The following MUC3A variants were observed in gnomAD, a reference collection of about 807,000 sequenced individuals.
The protein encoded by MUC3A is mucin-3A.
In MUC3A, 109 loss-of-function variants were observed where a neutral mutation model predicts 109.0. That is an observed-to-expected ratio of 1.00 (90% confidence interval 0.86 to 1.17). The LOEUF is 1.17. Among genes scored for constraint, MUC3A ranks in the 50% most tolerant of loss-of-function variants. The pLI is 0.00. For missense variants in MUC3A, 3,537 were observed against 2,469.4 expected, an observed-to-expected ratio of 1.43 and a Z score of -9.16; for synonymous variants, 1,398 against 981.4, an observed-to-expected ratio of 1.42 and a Z score of -7.93.
At position 100,954,000 on chromosome 7, in the gene MUC3A, T is replaced by A; in HGVS notation, c.2221T>A (p.Ser741Thr). The A allele has an allele frequency of 2.2e-6, 1 of 464,490 alleles. No homozygotes were observed. The highest frequency in any genetic ancestry group is 3.8e-6 in the Non-Finnish European group (1 of 263,780). The allele number at this position is 464,490 out of a possible 1,614,324, so 28.8% of individuals were successfully genotyped here. Reference sequence around the variant, plus strand: ...GACAGAGACATCATCCACTGCCACCTCTCTTCCACCCACCTCTCCCTTGGT... The same window carrying A: ...GACAGAGACATCATCCACTGCCACCACTCTTCCACCCACCTCTCCCTTGGT... ...TMTETSSTATSLPPTSPLVST... is the reference protein window; with the variant it reads ...TMTETSSTATTLPPTSPLVST... Residue 741 changes from serine (S) to threonine (T), a missense_variant, in exon 2 of 12, where the codon TCT (serine) becomes ACT (threonine). Ser to Thr is a moderately conservative substitution (Grantham distance 58). Transcript: ENST00000379458.
chr7:100,966,024 G>A, intron 8 of MUC3A, 158 bp downstream of exon 8: 2 of 1,114,554 alleles, frequency 1.8e-6, no homozygotes, highest in South Asian at 2.0e-5. Flanking sequence ...CCCTACAGTG[G>A]AGCCCTGCCC....
chr7:100,965,797 C>A lies in MUC3A; in HGVS notation c.9542C>A (p.Ser3181Ter). 6.3e-7 allele frequency: 1 copy of A among 1,597,586 alleles called. No individual in the cohort carries two copies. The highest frequency in any genetic ancestry group is 8.5e-7 in the Non-Finnish European group (1 of 1,179,094). ...CTCCGCTGTGTCACCAAATGCACGT[C>A]GGGGGTGGACAACGCCATCGACTGT... The part of the protein sequence containing the change: ...TRLRCVTKCT[S>*]GVDNAIDCHQ... Residue 3181 changes from serine (S) to a stop codon, truncating the protein, a stop_gained, in exon 8 of 12, where the codon TCG becomes TAG. Transcript: ENST00000379458. LOFTEE classifies it high-confidence loss of function.
rs753454982 is a variant in MUC3A, at chr7:100,960,252, C to A, written c.8473C>A (p.Leu2825Ile). 6.9e-6 allele frequency: 11 copies of A among 1,598,532 alleles called. No homozygotes were observed. Among genetic ancestry groups the A allele is most frequent in the Non-Finnish European group, 9.3e-6 (11 of 1,179,814 alleles). The change falls in exon 2 of 12, where the codon CTT becomes ATT. Residue 2825 changes from leucine to isoleucine, a missense_variant. By Grantham distance (5) the Leu-to-Ile change is conservative. Transcript: ENST00000379458. ...TACCTCCATCAGTATCCAAACTACT[C>A]TTACTACATATATGGACACTTCTTC... ...CPTSISIQTTLTTYMDTSSMM... is the reference protein window; with the variant it reads ...CPTSISIQTTITTYMDTSSMM...
intron 11 of MUC3A, 67 bp from the exon 12 acceptor site, chr7:100,967,054 G>T: frequency 6.3e-7 from 1 of 1,598,488 alleles, no homozygotes; most frequent in South Asian, 1.1e-5. Flanking sequence ...GCTCGGATCA[G>T]CAGTGACCTC....
intron 7 of MUC3A, 42 bp from the exon 8 acceptor site, chr7:100,965,662 A>G: frequency 6.3e-7 from 1 of 1,575,718 alleles, no homozygotes; most frequent in Non-Finnish European, 8.6e-7. Flanking sequence ...AATAGAATGG[A>G]TGAGGTCCTT....
In MUC3A at chr7:100,967,436, A is replaced by G. The variant is rs368193457; in HGVS notation, c.*274A>G. 0.012 allele frequency: 7,143 copies of G among 598,210 alleles called. 8 individuals carry two copies. The African/African-American group carries it at 0.12, about 10-fold the overall frequency. 37.1% of individuals were successfully genotyped at this position (598,210 alleles called of 1,614,324 possible). On this transcript the variant is annotated 3_prime_UTR_variant, in exon 12 of 12. Transcript: ENST00000379458. ...TCCTCACCTGCAAAACGGGTACAGC[A>G]TTCCTGTATGATAGCTCACGCCGTT...
At position 100,960,402 on chromosome 7, in the gene MUC3A, A is replaced by G. The variant is rs1458190282; in HGVS notation, c.8623A>G (p.Asn2875Asp). 3.1e-6 allele frequency: 5 copies of G among 1,598,534 alleles called. No individual in the cohort carries two copies. Among genetic ancestry groups the G allele is most frequent in the Non-Finnish European group, 4.2e-6 (5 of 1,179,824 alleles). The change falls in exon 2 of 12, where the codon AAC becomes GAC. Residue 2875 changes from asparagine to aspartate, a missense_variant. Asn to Asp is a conservative substitution (Grantham distance 23). Transcript: ENST00000379458. ...RLPTSETWLS[N>D]SSVIPLPLPG... ...GCCCACCAGTGAGACCTGGCTGAGCAACAGTTCTGTGATCCCCCTACCTCT... is the reference window on the plus strand; with the variant it reads ...GCCCACCAGTGAGACCTGGCTGAGCGACAGTTCTGTGATCCCCCTACCTCT...
At position 100,956,069 on chromosome 7, in the gene MUC3A, G is replaced by C. The variant is rs1415976811; in HGVS notation, c.4290G>C (p.Glu1430Asp). The change falls in exon 2 of 12, where the codon GAG becomes GAC. Residue 1430 changes from glutamate to aspartate, a missense_variant. Transcript: ENST00000379458. ...CTTCTACACCTGTCCCAAGCACAGA[G>C]GTGACCACCAGTCATACCACAAACA... ...ILSSTPVPSTEVTTSHTTNTN... is the reference protein window; with the variant it reads ...ILSSTPVPSTDVTTSHTTNTN... The C allele has an allele frequency of 2.5e-6, 1 of 401,212 alleles. No homozygotes were observed. The highest frequency in any genetic ancestry group is 4.3e-6 in the Non-Finnish European group (1 of 232,150). 24.9% of individuals were successfully genotyped at this position (401,212 alleles called of 1,614,324 possible). A position where few individuals can be genotyped will look rare whatever the true frequency, so the allele number is the denominator to read the frequency against.
rs1043789747 is a variant in MUC3A at position 100,965,161 on chromosome 7, CT to C, written c.9383-120del. 35 of 1,402,964 alleles carry C rather than the reference CT, an allele frequency of 2.5e-5. No individual in the cohort carries two copies. The African/African-American group carries it at 4.3e-4, about 17-fold the overall frequency. 86.9% of individuals were successfully genotyped at this position (1,402,964 alleles called of 1,614,324 possible). ...GGCTCTCTCCGTCTGGGAGAGGGCT[CT>C]CCCAGACGGAGAGAGCCCTCACTGC... is the stretch of plus-strand genomic sequence containing the variant. On this transcript the variant is annotated intron_variant, in intron 6 of 11. Coordinates refer to ENST00000379458, the MANE Select transcript of MUC3A (RefSeq NM_005960.2).
Position 100,967,180 on chromosome 7 carries a change from C to T in MUC3A, c.*18C>T. 6.3e-7 allele frequency: 1 copy of T among 1,598,514 alleles called. No homozygotes were observed. The highest frequency in any genetic ancestry group is 1.7e-4 in the Middle Eastern group (1 of 6,060). ...CAGTGTGAGCCCTGCGGGGCCCCTTCACCACCCCCTCCGCCCTGCCCCGGA... is the reference window on the plus strand; with the variant it reads ...CAGTGTGAGCCCTGCGGGGCCCCTTTACCACCCCCTCCGCCCTGCCCCGGA... On this transcript the variant is annotated 3_prime_UTR_variant, in exon 12 of 12. Transcript: ENST00000379458.
rs2116236288 is a variant in MUC3A, at chr7:100,968,249, T to C, written c.*1087T>C. 1 of 153,074 alleles carries C rather than the reference T, an allele frequency of 6.5e-6. No homozygotes were observed. Among genetic ancestry groups the C allele is most frequent in the East Asian group, 1.9e-4 (1 of 5,216 alleles). The allele number at this position is 153,074 out of a possible 1,614,324, so 9.5% of individuals were successfully genotyped here. On this transcript the variant is annotated 3_prime_UTR_variant, in exon 12 of 12. Coordinates refer to ENST00000379458, the MANE Select transcript of MUC3A (RefSeq NM_005960.2). ...CTGCAGTAACTCTGAGCCCTTGAAA[T>C]CCTCAGTCGCCTTGGCGGGGAAGAT...
chr7:100,961,009 T>C, intron 3 of MUC3A, 72 bp downstream of exon 3: 1 of 1,594,004 alleles, frequency 6.3e-7, no homozygotes, highest in Non-Finnish European at 8.5e-7. Flanking sequence ...GACTTATCCC[T>C]CTGTGGGGCC....
In MUC3A at chr7:100,959,105, C is replaced by T; in HGVS notation, c.7326C>T (p.Ser2442=). 1.3e-6 allele frequency: 2 copies of T among 1,520,462 alleles called. No homozygotes were observed. The highest frequency in any genetic ancestry group is 1.7e-6 in the Non-Finnish European group (2 of 1,144,406). The allele number at this position is 1,520,462 out of a possible 1,614,324, so 94.2% of individuals were successfully genotyped here. Residue 2442 remains serine (S), a synonymous_variant, in exon 2 of 12, where the codon AGC becomes AGT. Coordinates refer to ENST00000379458, the MANE Select transcript of MUC3A (RefSeq NM_005960.2). ...AGACCACCTCAGAGAGTACTCCCAG[C>T]CTCAGTTCTTCAACCATCTACTCCA... is the stretch of plus-strand genomic sequence containing the variant. The part of the protein sequence containing the change: ...TTETTSESTP[S]LSSSTIYSTV...
chr7:100,963,818 C>T, intron 5 of MUC3A, 66 bp downstream of exon 5: 1 of 1,589,226 alleles, frequency 6.3e-7, no homozygotes, highest in East Asian at 2.2e-5. Context: ...CACAAAAAAC[C>T]CATTCCTTTC....
intron 3 of MUC3A, among the ~76,000 whole-genome samples, chr7:100,962,783 TTC>T (rs951821548): frequency 3.8e-5 from 4 of 105,400 alleles, no homozygotes; most frequent in Admixed American, 2.1e-4. Context: ...CCTTCTTTCT[TTC>T]TCTTTCTTTC....
At position 100,964,833 on chromosome 7, in the gene MUC3A, G is replaced by A. The variant is rs1296907954; in HGVS notation, c.9372G>A (p.Gln3124=). 8.1e-6 allele frequency: 13 copies of A among 1,597,766 alleles called. No individual in the cohort carries two copies. The highest frequency in any genetic ancestry group is 1.7e-5 in the Admixed American group (1 of 59,986). The change falls in exon 6 of 12, where the codon CAG becomes CAA. Residue 3124 remains glutamine (Q), a synonymous_variant. Coordinates refer to ENST00000379458, the MANE Select transcript of MUC3A (RefSeq NM_005960.2). ...QNASQDVNSC[Q]DSQTLCFKPD... is the part of the protein sequence containing the mutation. Reference sequence around the variant, plus strand: ...CCAGCCAGGATGTGAACAGCTGCCAGGACTCCCAGAGTGAGCCCAGGCTGG... The same window carrying A: ...CCAGCCAGGATGTGAACAGCTGCCAAGACTCCCAGAGTGAGCCCAGGCTGG...
chr7:100,951,899 CA>C lies in MUC3A; in HGVS notation c.121del (p.Ser41AlafsTer36). 1 of 1,598,632 alleles carries C rather than the reference CA, an allele frequency of 6.3e-7. No individual in the cohort carries two copies. Among genetic ancestry groups the C allele is most frequent in the South Asian group, 1.1e-5 (1 of 91,092 alleles). On this transcript the variant is annotated frameshift_variant, in exon 2 of 12. Transcript: ENST00000379458. LOFTEE classifies it high-confidence loss of function. ...QVPFPRAEAA[S>X]AVLSNSPHSR... Reference sequence around the variant, plus strand: ...TGCCTTTCCCCAGAGCAGAAGCAGCCAGCGCTGTGCTCAGCAATTCTCCACA... The same window carrying C: ...TGCCTTTCCCCAGAGCAGAAGCAGCCGCGCTGTGCTCAGCAATTCTCCACA...
Position 100,959,568 on chromosome 7 carries a change from A to G in MUC3A, c.7789A>G (p.Thr2597Ala), listed in dbSNP as rs373561048. The change falls in exon 2 of 12, where the codon ACT (threonine) becomes GCT (alanine). Residue 2597 changes from threonine to alanine, a missense_variant. Transcript: ENST00000379458. ...TGGGACCCAAACATCTCCTGCACCT[A>G]CTACTGTCACCTTTGGAAGTACGGA... is the stretch of plus-strand genomic sequence containing the variant. ...ATGTQTSPAP[T>A]TVTFGSTDSS... The G allele has an allele frequency of 9.4e-5, 150 of 1,594,470 alleles. No homozygotes were observed. Among genetic ancestry groups the G allele is most frequent in the Admixed American group, 9.2e-4 (55 of 59,756 alleles).
Position 100,953,235 on chromosome 7 carries a change from C to A in MUC3A, c.1456C>A (p.Pro486Thr), listed in dbSNP as rs1792020036. ...SSSAMSTSVI[P>T]SSPSIQNTET... is the part of the protein sequence containing the mutation. ...CTCAGCAATGTCCACGAGTGTCATTCCATCTTCCCCCAGCATTCAGAATAC... is the reference window on the plus strand; with the variant it reads ...CTCAGCAATGTCCACGAGTGTCATTACATCTTCCCCCAGCATTCAGAATAC... Residue 486 changes from proline (P) to threonine (T), a missense_variant, in exon 2 of 12, where the codon CCA becomes ACA. By Grantham distance (38) the Pro-to-Thr change is conservative. Coordinates refer to ENST00000379458, the MANE Select transcript of MUC3A (RefSeq NM_005960.2). 2 of 561,114 alleles carry A rather than the reference C, an allele frequency of 3.6e-6. No individual in the cohort carries two copies. Among genetic ancestry groups the A allele is most frequent in the African/African-American group, 3.8e-5 (2 of 52,884 alleles). The allele number at this position is 561,114 out of a possible 1,614,324, so 34.8% of individuals were successfully genotyped here. A position where few individuals can be genotyped will look rare whatever the true frequency, so the allele number is the denominator to read the frequency against.
Sources: allele counts gnomAD v4.1 joint callset (sites outside exome capture counted in the v4.1 genomes callset), GRCh38; gene constraint gnomAD v4.1.1; transcripts MANE v1.5; gene names NCBI Gene and HGNC (gene_info 2026-07-23, HGNC 2026-07-21).